COL24A1: variants seen among roughly 807,000 people sequenced by gnomAD.
The protein encoded by COL24A1 is collagen alpha-1(XXIV) chain.
A neutral mutation model predicts 253.9 loss-of-function variants in COL24A1; 224 were observed. That is an observed-to-expected ratio of 0.88 (90% CI 0.79 to 0.99). COL24A1 has a LOEUF of 0.99. Among genes scored for constraint, COL24A1 ranks in the 50% least tolerant of loss-of-function variants. The pLI is 0.00. For missense variants in COL24A1, 2,131 were observed against 2,068.5 expected, an observed-to-expected ratio of 1.03 and a Z score of -0.59; for synonymous variants, 685 against 673.7, an observed-to-expected ratio of 1.02 and a Z score of -0.26.
At chr1:85,854,879 T>A (rs1678249572) in intron 37 of COL24A1, among the ~76,000 whole-genome samples, 1 of 152,114 alleles carries the variant, frequency 6.6e-6, no homozygotes, top group Non-Finnish European at 1.5e-5. Context: ...AATTTTTGTA[T>A]TTTTAGTAGA....
At chr1:85,744,320 C>T (rs1320036089) in intron 57 of COL24A1, among the ~76,000 whole-genome samples, 2 of 152,056 alleles carry the variant, frequency 1.3e-5, no homozygotes, top group African/African-American at 2.4e-5. Context: ...GAAGGAGATG[C>T]TATAATATAT....
At position 85,771,896 on chromosome 1, in the gene COL24A1, C is replaced by T. The variant is rs1483366482; in HGVS notation, c.4374+3778G>A. 6.8e-5 allele frequency among the ~76,000 whole-genome samples: 10 copies of T among 148,042 alleles called. No individual in the cohort carries two copies. In the Admixed American group the frequency reaches 6.8e-4, roughly 10 times the overall value. On this transcript the variant is annotated intron_variant, in intron 53 of 59. Transcript: ENST00000370571. ...CATGTGCCATGCTGGTGCGCTGCAC[C>T]CACTAACTCGTCATCTAGCATTAGG...
intron 19 of COL24A1, among the ~76,000 whole-genome samples, chr1:86,012,736 T>C (rs900525400): frequency 2.2e-4 from 34 of 152,320 alleles, no homozygotes; most frequent in Middle Eastern, 3.4e-3. Context: ...TTAAAGCCTC[T>C]CATGGCTTCC....
At chr1:85,933,078 A>T (rs1421471733) in intron 24 of COL24A1, among the ~76,000 whole-genome samples, 1 of 119,456 alleles carries the variant, frequency 8.4e-6, no homozygotes. Flanking sequence ...CCTAAAACTT[A>T]GAGTATAATA....
rs757770791 is a variant in COL24A1, at chr1:86,140,759, GTAA to G, written c.121+5357_121+5359del. On this transcript the variant is annotated intron_variant, in intron 2 of 59. Transcript: ENST00000370571. ...CAGCCATCCCACCAACACAGACAAA[GTAA>G]TAACAAAAATACACATATCAGGTAA... Among the ~76,000 whole-genome samples, 6 of 152,194 alleles carry G rather than the reference GTAA, an allele frequency of 3.9e-5. No individual in the cohort carries two copies. In the East Asian group the frequency reaches 1.2e-3, roughly 29 times the overall value.
chr1:86,113,675 A>T (rs1273229394), intron 4 of COL24A1, among the ~76,000 whole-genome samples: 1 of 151,848 alleles, frequency 6.6e-6, no homozygotes, highest in Non-Finnish European at 1.5e-5. Flanking sequence ...CACTACCAAA[A>T]ATCAAAAAAC....
intron 18 of COL24A1, among the ~76,000 whole-genome samples, chr1:86,018,511 A>G (rs1355973579): frequency 1.3e-4 from 20 of 152,216 alleles, no homozygotes; most frequent in Admixed American, 1.3e-3. Context: ...GCAAAATCCA[A>G]CCACAAAGCT....
chr1:86,153,922 A>G (rs1653124164), intron 1 of COL24A1, among the ~76,000 whole-genome samples: 1 of 152,222 alleles, frequency 6.6e-6, no homozygotes, highest in African/African-American at 2.4e-5. Context: ...TAGGCAACCC[A>G]TATAAAAGAC....
intron 47 of COL24A1, among the ~76,000 whole-genome samples, chr1:85,802,600 GA>G (rs745370961): frequency 4.0e-5 from 6 of 151,886 alleles, no homozygotes; most frequent in Non-Finnish European, 5.9e-5. Context: ...TAATTGACAC[GA>G]AGTAAATTTC....
At chr1:85,756,341 C>T (rs1180337063) in intron 55 of COL24A1, among the ~76,000 whole-genome samples, 2 of 152,030 alleles carry the variant, frequency 1.3e-5, no homozygotes, top group African/African-American at 2.4e-5. Context: ...ATCACTTGAA[C>T]CTGGGAGGCA....
At chr1:85,736,741 T>C (rs1664100587) in intron 58 of COL24A1, among the ~76,000 whole-genome samples, 2 of 152,210 alleles carry the variant, frequency 1.3e-5, no homozygotes, top group South Asian at 2.1e-4. Flanking sequence ...TGATCATATA[T>C]CAAGCTGGTT....
At chr1:86,107,793 C>T (rs1283260291) in intron 5 of COL24A1, among the ~76,000 whole-genome samples, 1 of 152,004 alleles carries the variant, frequency 6.6e-6, no homozygotes, top group Non-Finnish European at 1.5e-5. Flanking sequence ...CCTCGGCCTC[C>T]CAAAGTGGTA....
intron 5 of COL24A1, among the ~76,000 whole-genome samples, chr1:86,108,769 T>G (rs1208485366): frequency 6.6e-6 from 1 of 151,162 alleles, no homozygotes; most frequent in Non-Finnish European, 1.5e-5. Flanking sequence ...ATCGCACCAT[T>G]GTACTCCAGC....
chr1:86,099,119 A>G (rs1425776593), intron 5 of COL24A1, among the ~76,000 whole-genome samples: 1 of 152,242 alleles, frequency 6.6e-6, no homozygotes, highest in African/African-American at 2.4e-5. Context: ...CTCTCTGATC[A>G]AAATGGAACT....
chr1:85,942,019 C>T (rs1571308494), intron 24 of COL24A1, among the ~76,000 whole-genome samples: 1 of 151,978 alleles, frequency 6.6e-6, no homozygotes, highest in Non-Finnish European at 1.5e-5. Context: ...CCACAGTGTA[C>T]TTAAACATAG....
At chr1:85,987,574 T>C in intron 20 of COL24A1, 27 bp downstream of exon 20, 1 of 1,589,228 alleles carries the variant, frequency 6.3e-7, no homozygotes, top group Non-Finnish European at 8.6e-7. Flanking sequence ...CATAATTGTT[T>C]AGTCTCTCTC....
chr1:85,794,354 T>C (rs1328597456), intron 47 of COL24A1, among the ~76,000 whole-genome samples: 2 of 152,172 alleles, frequency 1.3e-5, no homozygotes, highest in Non-Finnish European at 2.9e-5. Flanking sequence ...ACAATGGACA[T>C]TCAGAAACTA....
intron 24 of COL24A1, among the ~76,000 whole-genome samples, chr1:85,913,684 G>A (rs989140269): frequency 1.3e-5 from 2 of 152,178 alleles, no homozygotes; most frequent in Non-Finnish European, 2.9e-5. Context: ...AGGGAAATGG[G>A]ACCTTCACAA....
intron 48 of COL24A1, 23 bp from the exon 49 acceptor site, chr1:85,784,389 C>T (rs559774187): frequency 1.4e-5 from 21 of 1,539,302 alleles, no homozygotes; most frequent in African/African-American, 6.8e-5. Context: ...CAAAGAAAAG[C>T]GATCTTTACA....
Sources: allele counts gnomAD v4.1 joint callset (sites outside exome capture counted in the v4.1 genomes callset), GRCh38; gene constraint gnomAD v4.1.1; transcripts MANE v1.5; gene names NCBI Gene and HGNC (gene_info 2026-07-23, HGNC 2026-07-21).